Variants in KCNH1 observed in about 807,000 individuals in gnomAD.
KCNH1 encodes voltage-gated delayed rectifier potassium channel KCNH1.
A neutral mutation model predicts 69.2 loss-of-function variants in KCNH1; 27 were observed. The ratio of observed to expected loss-of-function variants is 0.39; its 90% confidence interval spans 0.29 to 0.54. KCNH1 has a LOEUF of 0.54. Ranked by LOEUF, KCNH1 falls within the 20% of genes least tolerant of loss-of-function variation. The probability of loss-of-function intolerance (pLI) is 0.68; values close to 1 mark genes in which losing one functional copy is unlikely to be tolerated. For missense variants in KCNH1, 798 were observed against 1,261.6 expected (o/e 0.63, Z 5.57); for synonymous variants, 456 against 487.7 (o/e 0.93, Z 0.86).
chr1:210,693,435 C>A (rs1235978607), intron 10 of KCNH1, among the ~76,000 whole-genome samples: 1 of 152,142 alleles, frequency 6.6e-6, no homozygotes, highest in Non-Finnish European at 1.5e-5. Flanking sequence ...GAATCAGAAC[C>A]CCACTTGGGT....
At chr1:211,085,643 A>G (rs1690938905) in intron 4 of KCNH1, among the ~76,000 whole-genome samples, 1 of 151,768 alleles carries the variant, frequency 6.6e-6, no homozygotes. Flanking sequence ...ACAGGAAAAG[A>G]AGAAGCAACC....
chr1:210,858,054 T>C (rs1308712117), intron 7 of KCNH1: 1 of 152,162 alleles, frequency 6.6e-6, no homozygotes, highest in East Asian at 1.9e-4. Flanking sequence ...AACAGGCCAA[T>C]GAGGAAAAAT....
chr1:210,716,478 G>A (rs1682255133), intron 10 of KCNH1, among the ~76,000 whole-genome samples: 1 of 148,308 alleles, frequency 6.7e-6, no homozygotes, highest in South Asian at 2.1e-4. Flanking sequence ...AGACTTTTCT[G>A]AAACACATCA....
chr1:210,946,181 G>A (rs139277517), intron 6 of KCNH1, among the ~76,000 whole-genome samples: 1 of 152,312 alleles, frequency 6.6e-6, no homozygotes, highest in Admixed American at 6.5e-5. Flanking sequence ...TCATGAAGGT[G>A]AGACTTTATA....
intron 10 of KCNH1, among the ~76,000 whole-genome samples, chr1:210,727,080 T>C (rs1217861921): frequency 6.6e-6 from 1 of 152,336 alleles, no homozygotes; most frequent in African/African-American, 2.4e-5. Context: ...GTCTTGATGG[T>C]GTGTGGGATT....
At chr1:210,917,173 A>G (rs1687351439) in intron 7 of KCNH1, among the ~76,000 whole-genome samples, 1 of 147,570 alleles carries the variant, frequency 6.8e-6, no homozygotes. Flanking sequence ...GAGAAGAGAG[A>G]AGAGAGAAAT....
chr1:210,812,908 C>G (rs1684736601), intron 7 of KCNH1, among the ~76,000 whole-genome samples: 1 of 152,240 alleles, frequency 6.6e-6, no homozygotes, highest in African/African-American at 2.4e-5. Flanking sequence ...CAGAGTTATA[C>G]TCTTCTGGGT....
intron 10 of KCNH1, among the ~76,000 whole-genome samples, chr1:210,761,027 C>T (rs550620238): frequency 3.0e-4 from 46 of 151,612 alleles, no homozygotes; most frequent in South Asian, 6.3e-4. Flanking sequence ...CCGAGGCGGG[C>T]GGATCACAAG....
At position 210,823,567 on chromosome 1, in the gene KCNH1, A is replaced by G. The variant is rs374645218; in HGVS notation, c.1463-19401T>C. The stretch of plus-strand genomic sequence containing the variant: ...CAAATTCTCTCTTACTAGAGAACAG[A>G]GTCCAAATGTCTTAATACAAAATAG... On this transcript the variant is annotated intron_variant, in intron 7 of 10. Coordinates refer to ENST00000271751, the MANE Select transcript of KCNH1 (RefSeq NM_172362.3). Among the ~76,000 whole-genome samples the G allele has an allele frequency of 9.8e-4, 150 of 152,350 alleles. 2 individuals are homozygous for G. In the South Asian group the frequency reaches 0.012, roughly 12 times the overall value.
chr1:211,009,146 G>T (rs1195451135), intron 6 of KCNH1, among the ~76,000 whole-genome samples: 3 of 152,176 alleles, frequency 2.0e-5, no homozygotes, highest in African/African-American at 4.8e-5. Flanking sequence ...GGATTTTATT[G>T]TGTGAGATGA....
At chr1:211,019,966 C>T (rs903007903) in intron 5 of KCNH1, among the ~76,000 whole-genome samples, 17 of 151,934 alleles carry the variant, frequency 1.1e-4, no homozygotes, top group South Asian at 4.2e-4. Context: ...AAAATGAAAA[C>T]ATAACATAAC....
chr1:210,947,322 C>T (rs962713711), intron 6 of KCNH1, among the ~76,000 whole-genome samples: 1 of 152,124 alleles, frequency 6.6e-6, no homozygotes, highest in East Asian at 1.9e-4. Flanking sequence ...GTAATCCCAG[C>T]ACTTTGGGAG....
intron 5 of KCNH1, among the ~76,000 whole-genome samples, chr1:211,043,892 C>T (rs759642814): frequency 2.0e-5 from 3 of 152,118 alleles, no homozygotes; most frequent in Non-Finnish European, 4.4e-5. Context: ...ATCCAGCATC[C>T]CTTTATGATT....
intron 6 of KCNH1, among the ~76,000 whole-genome samples, chr1:210,941,851 T>C (rs973498405): frequency 1.3e-5 from 2 of 152,202 alleles, no homozygotes; most frequent in Admixed American, 6.5e-5. Flanking sequence ...AGGATCAGTA[T>C]TTTGCCTTTA....
At chr1:210,995,215 A>T (rs1689006134) in intron 6 of KCNH1, among the ~76,000 whole-genome samples, 1 of 152,130 alleles carries the variant, frequency 6.6e-6, no homozygotes, top group South Asian at 2.1e-4. Context: ...TTAAAAGAGG[A>T]ACAGATTCAA....
chr1:210,827,090 T>C (rs933912638), intron 7 of KCNH1, among the ~76,000 whole-genome samples: 7 of 152,160 alleles, frequency 4.6e-5, no homozygotes, highest in Non-Finnish European at 8.8e-5. Flanking sequence ...GTAATCCCAG[T>C]ATTTTGGGAG....
intron 5 of KCNH1, among the ~76,000 whole-genome samples, chr1:211,059,817 CT>C (rs1690397311): frequency 1.3e-5 from 2 of 152,160 alleles, no homozygotes; most frequent in Non-Finnish European, 2.9e-5. Flanking sequence ...CTACACCTCA[CT>C]TTCAGCACTG....
chr1:211,007,036 T>A (rs74156870), intron 6 of KCNH1, among the ~76,000 whole-genome samples: 2,704 of 152,228 alleles, frequency 0.018, 78 homozygotes, highest in African/African-American at 0.062. Flanking sequence ...TATTTCTACA[T>A]CTATAATTTC....
At chr1:210,705,511 C>T (rs141568856) in intron 10 of KCNH1, among the ~76,000 whole-genome samples, 3,268 of 152,288 alleles carry the variant, frequency 0.021, 72 homozygotes, top group Middle Eastern at 0.034. Context: ...GAATTCTGGT[C>T]CCATTGAAGC....
Sources: gnomAD v4.1 joint callset for allele counts (sites outside exome capture counted in the v4.1 genomes callset) on GRCh38, gnomAD v4.1.1 for gene constraint, MANE v1.5 for transcripts, NCBI Gene and HGNC (gene_info 2026-07-23, HGNC 2026-07-21) for gene names.